RRP12: variants seen among roughly 807,000 people sequenced by gnomAD.
RRP12 encodes the protein RRP12-like protein.
In RRP12, 78 loss-of-function variants were observed where a neutral mutation model predicts 157.3. That is an observed-to-expected ratio of 0.50 (90% CI 0.41 to 0.60). RRP12 has a LOEUF of 0.60. Among genes scored for constraint, RRP12 ranks in the 20% least tolerant of loss-of-function variants. RRP12 has a pLI of 0.00. For synonymous variants in RRP12, 726 were observed against 670.9 expected (o/e 1.08, Z -1.27); for missense variants, 1,521 against 1,679.9 (o/e 0.91, Z 1.65).
chr10:97,371,657 AT>A, intron 20 of RRP12: 1 of 192,186 alleles, frequency 5.2e-6, no homozygotes, highest in Non-Finnish European at 1.1e-5. Context: ...AGCAGAGGGC[AT>A]TTCAAGCTGA....
intron 2 of RRP12, among the ~76,000 whole-genome samples, chr10:97,399,443 A>C (rs1845075208): frequency 6.6e-6 from 1 of 152,186 alleles, no homozygotes; most frequent in Non-Finnish European, 1.5e-5. Flanking sequence ...GAATGATTCA[A>C]GTTGGGGGAT....
In RRP12 at chr10:97,400,501, A is replaced by C. The variant is rs767706823; in HGVS notation, c.173T>G (p.Leu58Ter). 1 of 1,613,936 alleles carries C rather than the reference A, an allele frequency of 6.2e-7. No homozygotes were observed. Among genetic ancestry groups the C allele is most frequent in the Non-Finnish European group, 8.5e-7 (1 of 1,179,988 alleles). ...RSDLTVDAVK[L>*]HNELQSGSLR... is the part of the protein sequence containing the mutation. The stretch of plus-strand genomic sequence containing the variant: ...GGACCCTGACTGCAGCTCATTATGT[A>C]ACTTCACAGCATCGACTGTCAGGTC... The change falls in exon 2 of 34, where the codon TTA (leucine) becomes TGA (stop). Residue 58 changes from leucine (L) to a stop codon, truncating the protein, a stop_gained. Transcript: ENST00000370992. LOFTEE classifies it high-confidence loss of function.
chr10:97,394,600 G>A (rs972413578), intron 3 of RRP12, among the ~76,000 whole-genome samples: 1 of 152,076 alleles, frequency 6.6e-6, no homozygotes, highest in Non-Finnish European at 1.5e-5. Context: ...ATATTGCACA[G>A]GCTGGTGTCG....
Position 97,390,627 on chromosome 10 carries a change from T to C in RRP12, c.637-88A>G. The stretch of plus-strand genomic sequence containing the variant: ...TTCTCACTGACTCCAGAAAATCGCA[T>C]CTGTCTGAGGTCCCCAGGGTGCCTA... On this transcript the variant is annotated intron_variant, in intron 5 of 33. Coordinates refer to ENST00000370992, the MANE Select transcript of RRP12 (RefSeq NM_015179.4). 5.2e-6 allele frequency: 7 copies of C among 1,353,922 alleles called. No individual in the cohort carries two copies. The South Asian group carries it at 5.9e-5, about 11-fold the overall frequency. 83.9% of individuals were successfully genotyped at this position (1,353,922 alleles called of 1,614,324 possible).
chr10:97,374,011 C>T, intron 15 of RRP12, 117 bp from the exon 16 acceptor site: 1 of 752,564 alleles, frequency 1.3e-6, no homozygotes, highest in South Asian at 1.5e-5. Flanking sequence ...GACTTCCCCC[C>T]ATCTCCATGA....
chr10:97,371,922 G>T, intron 20 of RRP12, 151 bp downstream of exon 20: 1 of 599,298 alleles, frequency 1.7e-6, no homozygotes. Context: ...GGCTACACAG[G>T]ACACAAAGAG....
intron 17 of RRP12, among the ~76,000 whole-genome samples, 182 bp from the exon 18 acceptor site, chr10:97,373,382 C>G (rs1844213560): frequency 6.6e-6 from 1 of 152,140 alleles, no homozygotes; most frequent in Admixed American, 6.5e-5. Context: ...CCCAGTGGCC[C>G]ATGGTCCTCG....
chr10:97,373,139 C>G lies in RRP12; in HGVS notation c.2088G>C (p.Leu696=), dbSNP rs756293557. The G allele has an allele frequency of 2.5e-6, 4 of 1,614,092 alleles. No individual in the cohort carries two copies. The highest frequency in any genetic ancestry group is 3.4e-6 in the Non-Finnish European group (4 of 1,180,042). ...AKNFLPILFN[L]YGQPVAAGDT... The stretch of plus-strand genomic sequence containing the variant: ...CCCCGGCTGCCACGGGCTGCCCATA[C>G]AGGTTGAAGAGGATCGGCAGAAAGT... The change falls in exon 18 of 34, where the codon CTG becomes CTC. Residue 696 remains leucine, a synonymous_variant. Coordinates refer to ENST00000370992, the MANE Select transcript of RRP12 (RefSeq NM_015179.4).
intron 11 of RRP12, 66 bp from the exon 12 acceptor site, chr10:97,381,549 G>C (rs1304686099): frequency 2.2e-6 from 3 of 1,343,322 alleles, no homozygotes; most frequent in Non-Finnish European, 3.1e-6. Flanking sequence ...TCCCCTCCCA[G>C]GCAACAGTTT....
In RRP12 at chr10:97,373,183, C is replaced by T; in HGVS notation, c.2044G>A (p.Val682Met). 6.2e-7 allele frequency: 1 copy of T among 1,614,180 alleles called. No homozygotes were observed. The highest frequency in any genetic ancestry group is 1.1e-5 in the South Asian group (1 of 91,084). The change falls in exon 18 of 34, where the codon GTG (valine) becomes ATG (methionine). Residue 682 changes from valine to methionine, a missense_variant. Val to Met is a conservative substitution (Grantham distance 21). Transcript: ENST00000370992. ...GCQAEADRAE[V>M]SRFAKNFLPI... ...AGAAAGTTCTTGGCAAAGCGACTCA[C>T]TTCAGCACGGTCAGCCTCTGGTAAA...
chr10:97,361,812 G>A (rs1036682299), intron 30 of RRP12, among the ~76,000 whole-genome samples: 2 of 152,172 alleles, frequency 1.3e-5, no homozygotes, highest in South Asian at 2.1e-4. Flanking sequence ...ATGGTTGGCC[G>A]AGGAGTTAGA....
intron 15 of RRP12, among the ~76,000 whole-genome samples, chr10:97,376,212 CT>C (rs771016888): frequency 6.4e-4 from 69 of 107,526 alleles, no homozygotes; most frequent in Admixed American, 9.9e-4. Context: ...CTTTTACTTT[CT>C]TTTTTTTTTT....
intron 3 of RRP12, among the ~76,000 whole-genome samples, 192 bp from the exon 4 acceptor site, chr10:97,393,952 T>C (rs930833751): frequency 6.6e-6 from 1 of 152,160 alleles, no homozygotes; most frequent in East Asian, 1.9e-4. Context: ...GTTTCTTCAT[T>C]TGTAAAGTAG....
intron 25 of RRP12, among the ~76,000 whole-genome samples, chr10:97,368,089 G>T (rs1844040847): frequency 6.9e-6 from 1 of 145,270 alleles, no homozygotes; most frequent in African/African-American, 2.6e-5. Flanking sequence ...GGAGTGCAAT[G>T]GCATGGTCTC....
At chr10:97,385,853 AC>A in intron 9 of RRP12, 41 bp downstream of exon 9, 2 of 1,412,164 alleles carry the variant, frequency 1.4e-6, no homozygotes, top group African/African-American at 1.4e-5. Context: ...CCAAGGCACC[AC>A]CCCCGACCTA....
At chr10:97,394,017 T>C (rs1844885476) in intron 3 of RRP12, among the ~76,000 whole-genome samples, 2 of 152,282 alleles carry the variant, frequency 1.3e-5, no homozygotes, top group South Asian at 4.1e-4. Flanking sequence ...TGAATTAATA[T>C]ATATAAAATA....
intron 31 of RRP12, 114 bp downstream of exon 31, chr10:97,360,432 G>T: frequency 1.2e-6 from 1 of 813,388 alleles, no homozygotes; most frequent in South Asian, 1.5e-5. Flanking sequence ...GGTGCCAAGT[G>T]AGTGCAACCA....
At chr10:97,399,143 C>T (rs988190755) in intron 2 of RRP12, among the ~76,000 whole-genome samples, 5 of 152,020 alleles carry the variant, frequency 3.3e-5, no homozygotes, top group African/African-American at 1.2e-4. Context: ...CATGGTGGCG[C>T]ACGCCTCTAA....
chr10:97,371,468 C>G (rs779424331), intron 20 of RRP12: 1 of 237,660 alleles, frequency 4.2e-6, no homozygotes, highest in Admixed American at 5.0e-5. Context: ...ACTCCCCCAA[C>G]CCCCAACGCC....
Sources: gnomAD v4.1 joint callset for allele counts (sites outside exome capture counted in the v4.1 genomes callset) on GRCh38, gnomAD v4.1.1 for gene constraint, MANE v1.5 for transcripts, NCBI Gene and HGNC (gene_info 2026-07-23, HGNC 2026-07-21) for gene names.